The following LRRC37A variants were observed in gnomAD, a reference collection of about 807,000 sequenced individuals.
The protein encoded by LRRC37A is leucine-rich repeat-containing protein 37A.
A neutral mutation model predicts 35.4 loss-of-function variants in LRRC37A; 3 were observed. The observed-to-expected ratio is 0.08, with a 90% CI of 0.04 to 0.22. The LOEUF (loss-of-function observed/expected upper bound fraction) is 0.22. Ranked by LOEUF, LRRC37A falls within the 10% of genes least tolerant of loss-of-function variation. The pLI is 1.00. For synonymous variants in LRRC37A, 23 were observed against 215.0 expected, an observed-to-expected ratio of 0.11 and a Z score of 7.81; for missense variants, 67 against 565.3, an observed-to-expected ratio of 0.12 and a Z score of 8.94.
chr17:46,321,320 CA>C (rs1251628590), intron 5 of LRRC37A, among the ~76,000 whole-genome samples: 33 of 86,050 alleles, frequency 3.8e-4, no homozygotes, highest in African/African-American at 7.4e-4. Flanking sequence ...TGCACCACTG[CA>C]CTCCAGCCTG....
chr17:46,281,289 C>G, the LRRC37A span, among the ~76,000 whole-genome samples: 10 of 151,628 alleles, frequency 6.6e-5, no homozygotes, highest in African/African-American at 1.9e-4. Context: ...CTGTATCTGG[C>G]ACACATCAGG....
the LRRC37A span, among the ~76,000 whole-genome samples, chr17:46,263,763 A>C: frequency 6.6e-6 from 1 of 150,854 alleles, no homozygotes; most frequent in Non-Finnish European, 1.5e-5. Flanking sequence ...CTGAGGCAGG[A>C]GAATCGCTTG....
rs1309850295 is a variant in LRRC37A at position 46,332,096 on chromosome 17, AACTTTGGTCATGACAGTGATCTCCC to A, written c.4704+122_4704+146del. On this transcript the variant is annotated intron_variant, in intron 9 of 13. Coordinates refer to ENST00000320254, the Ensembl canonical transcript of LRRC37A. ...AGGCCATAGCTTATCTTGGCCATGTAACTTTGGTCATGACAGTGATCTCCCACTTTGCTCATGTAGAGAGAGAAAT... is the reference window on the plus strand; with the variant it reads ...AGGCCATAGCTTATCTTGGCCATGTAACTTTGCTCATGTAGAGAGAGAAAT... 158 of 182,190 alleles carry A rather than the reference AACTTTGGTCATGACAGTGATCTCCC, an allele frequency of 8.7e-4. 1 individual carries two copies. Among genetic ancestry groups the A allele is most frequent in the Middle Eastern group, 1.2e-3 (1 of 858 alleles). 11.3% of individuals were successfully genotyped at this position (182,190 alleles called of 1,614,324 possible).
chr17:46,269,585 T>G, the LRRC37A span, among the ~76,000 whole-genome samples: 1 of 151,908 alleles, frequency 6.6e-6, no homozygotes, highest in Non-Finnish European at 1.5e-5. Context: ...AAATAAATTT[T>G]AAAAAAGTGC....
the LRRC37A span, among the ~76,000 whole-genome samples, chr17:46,277,614 C>A: frequency 0.089 from 12,496 of 140,922 alleles, no homozygotes; most frequent in Middle Eastern, 0.14. Context: ...TTTCAGTTCT[C>A]TGGGTAGATT....
At chr17:46,286,560 A>C in the LRRC37A span, among the ~76,000 whole-genome samples, 1 of 152,264 alleles carries the variant, frequency 6.6e-6, no homozygotes, top group Non-Finnish European at 1.5e-5. Flanking sequence ...TGAAGAATCA[A>C]ATCTACCATT....
Position 46,316,613 on chromosome 17 carries a change from G to GC in LRRC37A, c.2907-5709_2907-5708insC, listed in dbSNP as rs2051128831. On this transcript the variant is annotated intron_variant, in intron 5 of 13. Transcript: ENST00000320254. ...ACCATGCCCAGTTTTTTTTGTTTTT[G>GC]TTTTTTTTAATTTTTTTTTATTGAT... Among the ~76,000 whole-genome samples, 2 of 68,318 alleles carry GC rather than the reference G, an allele frequency of 2.9e-5. 1 individual carries two copies. 44.8% of individuals were successfully genotyped at this position (68,318 alleles called of 152,430 possible). A position where few individuals can be genotyped will look rare whatever the true frequency, so the allele number is the denominator to read the frequency against.
At chr17:46,270,863 G>A in the LRRC37A span, among the ~76,000 whole-genome samples, 1 of 152,190 alleles carries the variant, frequency 6.6e-6, no homozygotes. Flanking sequence ...TCATGCCACT[G>A]CCCTCCAGCC....
At chr17:46,255,521 C>G in the LRRC37A span, among the ~76,000 whole-genome samples, 1 of 149,844 alleles carries the variant, frequency 6.7e-6, no homozygotes, top group African/African-American at 2.5e-5. Context: ...CATACGCCAC[C>G]ACACCCGGCT....
the LRRC37A span, among the ~76,000 whole-genome samples, chr17:46,262,873 A>C: frequency 6.6e-6 from 1 of 152,236 alleles, no homozygotes; most frequent in Non-Finnish European, 1.5e-5. Context: ...GATGGCACTG[A>C]AAATGAAATC....
chr17:46,274,007 C>T, the LRRC37A span, among the ~76,000 whole-genome samples: 2 of 152,232 alleles, frequency 1.3e-5, no homozygotes, highest in Non-Finnish European at 2.9e-5. Context: ...ACAGGATTAG[C>T]ACCCCTGAAG....
chr17:46,276,035 T>G, the LRRC37A span, among the ~76,000 whole-genome samples: 15,384 of 143,436 alleles, frequency 0.11, 1 homozygote, highest in Middle Eastern at 0.17. Flanking sequence ...GGATTACAGG[T>G]GCCTGCCACC....
chr17:46,249,165 G>A, the LRRC37A span, among the ~76,000 whole-genome samples: 6 of 152,154 alleles, frequency 3.9e-5, no homozygotes, highest in South Asian at 4.1e-4. Flanking sequence ...CAGACACCGA[G>A]GGACAACTGT....
chr17:46,288,374 T>C (rs1434541545), upstream of LRRC37A, among the ~76,000 whole-genome samples: 1 of 149,192 alleles, frequency 6.7e-6, no homozygotes, highest in Non-Finnish European at 1.5e-5. Flanking sequence ...AGTGGCATGA[T>C]CTCGGCTCAC....
At chr17:46,280,287 G>A in the LRRC37A span, among the ~76,000 whole-genome samples, 9 of 152,124 alleles carry the variant, frequency 5.9e-5, no homozygotes, top group Admixed American at 2.6e-4. Flanking sequence ...TCGCTTGAAC[G>A]CGGGAAGCGG....
At chr17:46,260,722 C>G in the LRRC37A span, 1 of 841,690 alleles carries the variant, frequency 1.2e-6, no homozygotes, top group Non-Finnish European at 1.8e-6. Flanking sequence ...CTCCCGGGTT[C>G]AAGCGATTCT....
the LRRC37A span, chr17:46,268,734 G>C: frequency 7.4e-7 from 1 of 1,351,282 alleles, no homozygotes; most frequent in Non-Finnish European, 9.8e-7. Flanking sequence ...AGAGACATCG[G>C]CAACAAGACA....
At chr17:46,289,998 A>G (rs190314831), upstream of LRRC37A, among the ~76,000 whole-genome samples, 49 of 152,362 alleles carry the variant, frequency 3.2e-4, no homozygotes, top group Middle Eastern at 3.4e-3. Flanking sequence ...GCATGCCTGT[A>G]GTGCCAACTA....
the LRRC37A span, among the ~76,000 whole-genome samples, chr17:46,283,972 G>T: frequency 4.6e-5 from 7 of 152,336 alleles, no homozygotes; most frequent in African/African-American, 7.2e-5. Context: ...AAGCAGTATG[G>T]CTGCCCGCGT....
Sources: gnomAD v4.1 joint callset for allele counts (sites outside exome capture counted in the v4.1 genomes callset) on GRCh38, gnomAD v4.1.1 for gene constraint, MANE v1.5 for transcripts, NCBI Gene and HGNC (gene_info 2026-07-23, HGNC 2026-07-21) for gene names.